Variants in RTN4 observed in about 807,000 individuals in gnomAD.
The protein encoded by RTN4 is reticulon-4.
Under a neutral mutation model 90.4 loss-of-function variants are expected in RTN4, and 32 were observed. The observed-to-expected ratio is 0.35, with a 90% CI of 0.27 to 0.48. RTN4 has a LOEUF of 0.48. Among genes scored for constraint, RTN4 ranks in the 20% least tolerant of loss-of-function variants. The pLI is 0.99. For missense variants in RTN4, 1,706 were observed against 1,430.2 expected, an observed-to-expected ratio of 1.19 and a Z score of -3.11; for synonymous variants, 629 against 552.5, an observed-to-expected ratio of 1.14 and a Z score of -1.94.
chr2:55,035,534 G>A (rs1682617546), intron 1 of RTN4, among the ~76,000 whole-genome samples: 1 of 152,016 alleles, frequency 6.6e-6, no homozygotes, highest in Non-Finnish European at 1.5e-5. Context: ...AAATCGAAGT[G>A]TAAAGCTTCC....
chr2:55,126,267 G>A, the RTN4 span, among the ~76,000 whole-genome samples: 5 of 152,018 alleles, frequency 3.3e-5, no homozygotes, highest in Non-Finnish European at 1.5e-5. Context: ...TACTGGAGAG[G>A]CTGAGGCATG....
chr2:55,051,406 G>A (rs963093003), upstream of RTN4, among the ~76,000 whole-genome samples: 2 of 152,158 alleles, frequency 1.3e-5, no homozygotes, highest in Non-Finnish European at 2.9e-5. Flanking sequence ...AGGCTTTCTG[G>A]GAGTCAGGAA....
chr2:55,005,615 C>T (rs1168208128), intron 3 of RTN4, among the ~76,000 whole-genome samples: 1 of 152,062 alleles, frequency 6.6e-6, no homozygotes, highest in Non-Finnish European at 1.5e-5. Flanking sequence ...CAAATAGAAA[C>T]AAAGACTTAT....
chr2:55,077,761 A>ACACACACACACACG (rs1668629483), intron 2 of RTN4, among the ~76,000 whole-genome samples: 1 of 111,520 alleles, frequency 9.0e-6, no homozygotes, highest in African/African-American at 5.0e-5. Flanking sequence ...TTTTATACAC[A>ACACACACACACACG]CACACACACA....
chr2:54,972,963 T>TAAGA lies in RTN4; in HGVS notation c.*189_*192dup, dbSNP rs1677225947. The TAAGA allele has an allele frequency of 6.1e-6, 3 of 491,628 alleles. No individual in the cohort carries two copies. The Admixed American group carries it at 1.0e-4, about 17-fold the overall frequency. 30.5% of individuals were successfully genotyped at this position (491,628 alleles called of 1,614,324 possible). A position where few individuals can be genotyped will look rare whatever the true frequency, so the allele number is the denominator to read the frequency against. ...TCCATACATAGCAGCTTACAATACT[T>TAAGA]AAGATGATGAACACATGGCAGTCAA... On this transcript the variant is annotated 3_prime_UTR_variant, in exon 9 of 9. Transcript: ENST00000337526.
At chr2:55,122,952 A>G in the RTN4 span, among the ~76,000 whole-genome samples, 1 of 152,260 alleles carries the variant, frequency 6.6e-6, no homozygotes, top group Non-Finnish European at 1.5e-5. Context: ...GGACATTGCA[A>G]TAAAGCATAT....
chr2:54,979,227 GTT>G (rs5831332), intron 5 of RTN4, among the ~76,000 whole-genome samples: 5,567 of 147,626 alleles, frequency 0.038, 353 homozygotes, highest in African/African-American at 0.13. Context: ...TGATTTTTCA[GTT>G]TTTTTTTTTT....
At chr2:55,058,204 T>C (rs1668223304) in intron 2 of RTN4, among the ~76,000 whole-genome samples, 1 of 152,204 alleles carries the variant, frequency 6.6e-6, no homozygotes, top group Non-Finnish European at 1.5e-5. Flanking sequence ...CATTTCCTTA[T>C]TAAATATTAC....
Position 55,032,742 on chromosome 2 carries a change from C to T in RTN4, c.557-4522G>A, listed in dbSNP as rs368526513. Among the ~76,000 whole-genome samples the T allele has an allele frequency of 2.0e-5, 3 of 152,028 alleles. No individual in the cohort carries two copies. The East Asian group carries it at 5.8e-4, about 29-fold the overall frequency. Reference sequence around the variant, plus strand: ...ATTGCAGTCCCCTTAAAAAAAGCAACAGTGGCCAGGCATGGGAGCTCATGC... The same window carrying T: ...ATTGCAGTCCCCTTAAAAAAAGCAATAGTGGCCAGGCATGGGAGCTCATGC... On this transcript the variant is annotated intron_variant, in intron 1 of 8. Coordinates refer to ENST00000337526, the MANE Select transcript of RTN4 (RefSeq NM_020532.5).
At chr2:55,087,663 G>C (rs1392153385) in intron 1 of RTN4, among the ~76,000 whole-genome samples, 1 of 151,802 alleles carries the variant, frequency 6.6e-6, no homozygotes, top group Non-Finnish European at 1.5e-5. Context: ...TCTTATTCAT[G>C]TGTCTTTGTA....
chr2:55,015,185 C>A (rs375891073), intron 3 of RTN4, among the ~76,000 whole-genome samples: 10 of 152,198 alleles, frequency 6.6e-5, no homozygotes, highest in Non-Finnish European at 1.2e-4. Context: ...TTGCCCAGTT[C>A]ATGGAAGGCA....
the RTN4 span, among the ~76,000 whole-genome samples, chr2:55,131,879 A>C: frequency 8.6e-5 from 13 of 151,990 alleles, no homozygotes; most frequent in Admixed American, 8.5e-4. Flanking sequence ...GCGAGACTCC[A>C]TTTCAAAAAA....
chr2:55,011,591 T>A (rs1449716266), intron 3 of RTN4, among the ~76,000 whole-genome samples: 2 of 152,144 alleles, frequency 1.3e-5, no homozygotes, highest in Non-Finnish European at 2.9e-5. Flanking sequence ...TAAAATGAAA[T>A]AGAGATAATA....
At chr2:55,071,738 C>CA (rs1021346836) in intron 2 of RTN4, among the ~76,000 whole-genome samples, 1 of 151,928 alleles carries the variant, frequency 6.6e-6, no homozygotes, top group Non-Finnish European at 1.5e-5. Flanking sequence ...CTGTGGTTGT[C>CA]AAAAAACCAC....
rs753774118 is a variant in RTN4, at chr2:55,050,102, G to C, written c.199C>G (p.Pro67Ala). 77 of 1,492,674 alleles carry C rather than the reference G, an allele frequency of 5.2e-5. No individual in the cohort carries two copies. The highest frequency in any genetic ancestry group is 8.5e-5 in the Admixed American group (4 of 46,852). The allele number at this position is 1,492,674 out of a possible 1,614,324, so 92.5% of individuals were successfully genotyped here. A position where few individuals can be genotyped will look rare whatever the true frequency, so the allele number is the denominator to read the frequency against. Residue 67 changes from proline to alanine, a missense_variant, in exon 1 of 9, where the codon CCA becomes GCA. Transcript: ENST00000337526. This position sits in a 1 kb window ranked among gnomAD's most constrained non-coding sequence, Gnocchi z 4.6. The stretch of plus-strand genomic sequence containing the variant: ...CCGGCGGCAGGGGCGGTGGGCACTG[G>C]GGCCGCGGACAGCCCGGCGGCGGGC... ...RKPAAGLSAAPVPTAPAAGAP... is the reference protein window; with the variant it reads ...RKPAAGLSAAAVPTAPAAGAP...
chr2:55,071,460 C>T (rs559954576), intron 2 of RTN4, among the ~76,000 whole-genome samples: 7 of 148,228 alleles, frequency 4.7e-5, no homozygotes, highest in Non-Finnish European at 8.9e-5. Context: ...CATTAACAAA[C>T]AACCCTGTGT....
At chr2:55,071,980 G>C (rs891034707) in intron 2 of RTN4, among the ~76,000 whole-genome samples, 3 of 152,230 alleles carry the variant, frequency 2.0e-5, no homozygotes, top group African/African-American at 7.2e-5. Flanking sequence ...TCATTTATTT[G>C]AAAATTTTCC....
At chr2:55,109,215 A>C (rs1247019377) in intron 1 of RTN4, among the ~76,000 whole-genome samples, 1 of 152,180 alleles carries the variant, frequency 6.6e-6, no homozygotes, top group Admixed American at 6.5e-5. Flanking sequence ...AATGCACTAA[A>C]GGTTTAAGAG....
the RTN4 span, among the ~76,000 whole-genome samples, chr2:55,134,174 C>G: frequency 4.6e-5 from 7 of 152,058 alleles, no homozygotes; most frequent in Non-Finnish European, 2.9e-5. Context: ...TAGTGTATAA[C>G]GAGCAGAGAG....
Sources: gnomAD v4.1 joint callset for allele counts (sites outside exome capture counted in the v4.1 genomes callset) on GRCh38, gnomAD v4.1.1 for gene constraint, Gnocchi (gnomAD v3.1) non-coding constraint, MANE v1.5 for transcripts, NCBI Gene and HGNC (gene_info 2026-07-23, HGNC 2026-07-21) for gene names.